The following LMO2 variants were observed in gnomAD, a reference collection of about 807,000 sequenced individuals.
LMO2 encodes the protein LIM domain only 2.
A neutral mutation model predicts 23.2 loss-of-function variants in LMO2; 20 were observed. The ratio of observed to expected loss-of-function variants is 0.86; its 90% CI spans 0.61 to 1.25. LMO2 has a LOEUF of 1.25. LMO2 is among the 50% of genes most tolerant of loss of function. The pLI is 0.00. For synonymous variants in LMO2, 123 were observed against 130.2 expected, an observed-to-expected ratio of 0.94 and a Z score of 0.38; for missense variants, 270 against 315.3, an observed-to-expected ratio of 0.86 and a Z score of 1.09.
chr11:33,890,218 A>T (rs1565039625), intron 1 of LMO2, among the ~76,000 whole-genome samples: 1 of 152,188 alleles, frequency 6.6e-6, no homozygotes, highest in South Asian at 2.1e-4. Flanking sequence ...ATATCAATAG[A>T]TATCAATCTG....
chr11:33,864,552 G>A lies in LMO2; in HGVS notation c.464+50C>T. On this transcript the variant is annotated intron_variant, in intron 5 of 5. Transcript: ENST00000257818. This position sits in a 1 kb window ranked among gnomAD's most constrained non-coding sequence, Gnocchi z 4.8. Reference sequence around the variant, plus strand: ...CACACACCGACTGCAGATGTCCATGGACCACCCAGCCTCCCTTCCGAGGGC... The same window carrying A: ...CACACACCGACTGCAGATGTCCATGAACCACCCAGCCTCCCTTCCGAGGGC... 6.6e-7 allele frequency: 1 copy of A among 1,506,394 alleles called. No individual in the cohort carries two copies. Among genetic ancestry groups the A allele is most frequent in the Non-Finnish European group, 9.1e-7 (1 of 1,099,500 alleles). 93.3% of individuals were successfully genotyped at this position (1,506,394 alleles called of 1,614,324 possible). A position where few individuals can be genotyped will look rare whatever the true frequency, so the allele number is the denominator to read the frequency against.
At position 33,870,806 on chromosome 11, in the gene LMO2, G is replaced by T. The variant is rs573238466; in HGVS notation, c.-271-819C>A. On this transcript the variant is annotated intron_variant, in intron 2 of 5. Transcript: ENST00000257818. ...GAGAGATTATTTTGCCCTGGGTCAG[G>T]CACAGAGAAAGAAGGCGGACTTGAT... Among the ~76,000 whole-genome samples, 155 of 152,334 alleles carry T rather than the reference G, an allele frequency of 1.0e-3. 1 individual carries two copies. The highest frequency in any genetic ancestry group is 3.6e-3 in the African/African-American group (149 of 41,576).
In LMO2 at chr11:33,869,551, T is replaced by G; in HGVS notation, c.43A>C (p.Ser15Arg). The G allele has an allele frequency of 7.8e-7, 1 of 1,281,064 alleles. No individual in the cohort carries two copies. Among genetic ancestry groups the G allele is most frequent in the Non-Finnish European group, 1.0e-6 (1 of 1,001,874 alleles). 79.4% of individuals were successfully genotyped at this position (1,281,064 alleles called of 1,614,324 possible). ...AVTVLERGGA[S>R]SPAERRSKRR... The stretch of plus-strand genomic sequence containing the variant: ...TTGCTCCGGCGCTCCGCCGGCGAGC[T>G]CGCCCCTCCGCGCTCAAGGACAGTC... Residue 15 changes from serine (S) to arginine (R), a missense_variant, in exon 4 of 6, where the codon AGC becomes CGC. Around this residue, in one of 2 missense-constraint regions of LMO2, gnomAD observed 170 missense variants for 162.0 expected, o/e 1.05. Transcript: ENST00000257818.
intron 1 of LMO2, among the ~76,000 whole-genome samples, chr11:33,891,536 A>G (rs1004900276): frequency 6.6e-6 from 1 of 152,116 alleles, no homozygotes. Flanking sequence ...GACATTAGCA[A>G]CCAGCGGCTC....
At position 33,884,138 on chromosome 11, in the gene LMO2, C is replaced by T. The variant is rs567167969; in HGVS notation, c.-335-2251G>A. Among the ~76,000 whole-genome samples the T allele has an allele frequency of 1.9e-4, 29 of 152,168 alleles. No homozygotes were observed. In the South Asian group the frequency reaches 5.0e-3, roughly 26 times the overall value. ...GTATTACTTATGCAGGCATAGGCAG[C>T]GAGGGAAGCCACTGGTTGAGGGCCC... is the stretch of plus-strand genomic sequence containing the variant. On this transcript the variant is annotated intron_variant, in intron 1 of 5. Transcript: ENST00000257818.
At chr11:33,867,381 T>A (rs369463229) in intron 4 of LMO2, among the ~76,000 whole-genome samples, 39 of 152,136 alleles carry the variant, frequency 2.6e-4, no homozygotes, top group African/African-American at 8.9e-4. Context: ...TGAGATGAGA[T>A]GGAGAAGTAA....
In LMO2 at chr11:33,864,712, G is replaced by C; in HGVS notation, c.354C>G (p.Tyr118Ter). ...CGCAGCTCAGGCAGTCCTCGTGCCA[G>C]TACTGGTCGATGGCCTTCAGGAAGT... ...DRYFLKAIDQ[Y>*]WHEDCLSCDL... Residue 118 changes from tyrosine to a stop codon, truncating the protein, a stop_gained, in exon 5 of 6, where the codon TAC becomes TAG. Transcript: ENST00000257818. LOFTEE classifies it high-confidence loss of function. The surrounding 1 kb of genome is among the most constrained non-coding windows in gnomAD (Gnocchi z 4.8). The C allele has an allele frequency of 6.2e-7, 1 of 1,614,090 alleles. No homozygotes were observed. The highest frequency in any genetic ancestry group is 8.5e-7 in the Non-Finnish European group (1 of 1,180,022).
At position 33,864,740 on chromosome 11, in the gene LMO2, C is replaced by A; in HGVS notation, c.326G>T (p.Arg109Leu). 6.2e-7 allele frequency: 1 copy of A among 1,613,996 alleles called. No homozygotes were observed. Among genetic ancestry groups the A allele is most frequent in the Non-Finnish European group, 8.5e-7 (1 of 1,179,994 alleles). ...CTGGTCGATGGCCTTCAGGAAGTAG[C>A]GGTCCCCAATGTTCTGCTGGCAGCC... is the stretch of plus-strand genomic sequence containing the variant. ...CGGCQQNIGD[R>L]YFLKAIDQYW... The change falls in exon 5 of 6, where the codon CGC becomes CTC. Residue 109 changes from arginine (R) to leucine (L), a missense_variant. Around this residue, in one of 2 missense-constraint regions of LMO2, gnomAD observed 170 missense variants for 162.0 expected, o/e 1.05. Coordinates refer to ENST00000257818, the MANE Select transcript of LMO2 (RefSeq NM_005574.4). This position sits in a 1 kb window ranked among gnomAD's most constrained non-coding sequence, Gnocchi z 4.8.
At chr11:33,890,632 G>A (rs932316563) in intron 1 of LMO2, among the ~76,000 whole-genome samples, 62 of 152,206 alleles carry the variant, frequency 4.1e-4, no homozygotes, top group African/African-American at 1.4e-3. Flanking sequence ...GATTACAGGC[G>A]TTAGCCAATG....
chr11:33,863,278 C>T (rs1205089744), intron 5 of LMO2, among the ~76,000 whole-genome samples: 1 of 152,112 alleles, frequency 6.6e-6, no homozygotes, highest in Non-Finnish European at 1.5e-5. Context: ...ATTGCAAAAT[C>T]CTACTTATTT....
chr11:33,874,930 C>T (rs953611752), intron 2 of LMO2, among the ~76,000 whole-genome samples: 2 of 152,256 alleles, frequency 1.3e-5, no homozygotes, highest in Admixed American at 1.3e-4. Context: ...CACCATTCCT[C>T]AGTGAGTTCT....
At chr11:33,874,205 T>C (rs369719288) in intron 2 of LMO2, among the ~76,000 whole-genome samples, 1 of 152,228 alleles carries the variant, frequency 6.6e-6, no homozygotes, top group African/African-American at 2.4e-5. Flanking sequence ...AGCTGACAGA[T>C]AAGTTTTCAC....
At chr11:33,874,246 T>C (rs1004966762) in intron 2 of LMO2, among the ~76,000 whole-genome samples, 2 of 152,236 alleles carry the variant, frequency 1.3e-5, no homozygotes, top group African/African-American at 4.8e-5. Context: ...ACCTTAGTGA[T>C]AAACAGATTC....
chr11:33,882,273 C>T (rs926519302), intron 1 of LMO2, among the ~76,000 whole-genome samples: 3 of 152,172 alleles, frequency 2.0e-5, no homozygotes, highest in South Asian at 4.1e-4. Flanking sequence ...ATGCACCTGC[C>T]GGTCTGAGAA....
chr11:33,868,978 AG>A (rs1231342899), intron 4 of LMO2, among the ~76,000 whole-genome samples: 2 of 152,194 alleles, frequency 1.3e-5, no homozygotes, highest in Non-Finnish European at 2.9e-5. Flanking sequence ...AGGAGAGGGA[AG>A]AAGGGAGCAG....
Position 33,869,941 on chromosome 11 carries a change from C to G in LMO2, c.-225G>C. The G allele has an allele frequency of 9.6e-7, 1 of 1,045,924 alleles. No individual in the cohort carries two copies. Among genetic ancestry groups the G allele is most frequent in the Non-Finnish European group, 1.2e-6 (1 of 868,390 alleles). The allele number at this position is 1,045,924 out of a possible 1,614,324, so 64.8% of individuals were successfully genotyped here. ...GGGCTTCCTCCTCTCTCGGGAAGGT[C>G]TATTTTCGCTCAGCTTCCCTCTGTC... On this transcript the variant is annotated 5_prime_UTR_variant, in exon 3 of 6. Coordinates refer to ENST00000257818, the MANE Select transcript of LMO2 (RefSeq NM_005574.4).
chr11:33,869,502 T>TCGCCGCCGCTCCTGCGCCTC lies in LMO2; in HGVS notation c.72_91dup (p.Asp31GlyfsTer74). 8.4e-7 allele frequency: 1 copy of TCGCCGCCGCTCCTGCGCCTC among 1,197,000 alleles called. No individual in the cohort carries two copies. Among genetic ancestry groups the TCGCCGCCGCTCCTGCGCCTC allele is most frequent in the Non-Finnish European group, 1.0e-6 (1 of 961,712 alleles). 74.1% of individuals were successfully genotyped at this position (1,197,000 alleles called of 1,614,324 possible). A position where few individuals can be genotyped will look rare whatever the true frequency, so the allele number is the denominator to read the frequency against. ...TCGGGCGCCGCCGCCGCCGCCGCCG[T>TCGCCGCCGCTCCTGCGCCTC]CGCCGCCGCTCCTGCGCCTCCGCTT... On this transcript the variant is annotated frameshift_variant, in exon 4 of 6. Coordinates refer to ENST00000257818, the MANE Select transcript of LMO2 (RefSeq NM_005574.4). LOFTEE classifies it high-confidence loss of function.
chr11:33,881,260 C>T (rs772584017), intron 2 of LMO2: 166 of 456,946 alleles, frequency 3.6e-4, no homozygotes, highest in Non-Finnish European at 6.2e-4. Context: ...TGCAGAAGGC[C>T]GCCTTGGGTC....
chr11:33,882,800 A>AT (rs1445142052), intron 1 of LMO2, among the ~76,000 whole-genome samples: 1 of 152,190 alleles, frequency 6.6e-6, no homozygotes, highest in African/African-American at 2.4e-5. Context: ...TGAGAGAGAA[A>AT]TTTCAATAAC....
Sources: gnomAD v4.1 joint callset for allele counts (sites outside exome capture counted in the v4.1 genomes callset) on GRCh38, gnomAD v4.1.1 for gene constraint, gnomAD v4.1.1 regional missense constraint, Gnocchi (gnomAD v3.1) non-coding constraint, MANE v1.5 for transcripts, NCBI Gene and HGNC (gene_info 2026-07-23, HGNC 2026-07-21) for gene names.